The following AP3B1 variants were observed in gnomAD, a reference collection of about 807,000 sequenced individuals.
The protein encoded by AP3B1 is adaptor related protein complex 3 subunit beta 1.
In AP3B1, 61 loss-of-function variants were observed where a neutral mutation model predicts 132.5. That is an observed-to-expected ratio of 0.46 (90% CI 0.37 to 0.57). The LOEUF (loss-of-function observed/expected upper bound fraction) is 0.57. Ranked by LOEUF, AP3B1 falls within the 20% of genes least tolerant of loss-of-function variation. The pLI, the probability that AP3B1 is intolerant of heterozygous loss-of-function variation, is 0.00. For missense variants in AP3B1, 1,120 were observed against 1,289.4 expected, an observed-to-expected ratio of 0.87 and a Z score of 2.01; for synonymous variants, 388 against 438.3, an observed-to-expected ratio of 0.89 and a Z score of 1.43.
chr5:78,104,634 C>A (rs933870639), intron 20 of AP3B1, among the ~76,000 whole-genome samples: 7 of 152,038 alleles, frequency 4.6e-5, no homozygotes, highest in African/African-American at 1.4e-4. Context: ...TAAAACCAAT[C>A]AAAAAATTGT....
intron 22 of AP3B1, among the ~76,000 whole-genome samples, chr5:78,080,244 A>AGCAATCCGCCT (rs1749935280): frequency 1.3e-5 from 2 of 152,132 alleles, no homozygotes; most frequent in African/African-American, 4.8e-5. Context: ...CCTGGGCTCA[A>AGCAATCCGCCT]GCAATCCGCC....
At chr5:78,227,212 A>G (rs1358905963) in intron 5 of AP3B1, among the ~76,000 whole-genome samples, 160 bp downstream of exon 5, 3 of 152,154 alleles carry the variant, frequency 2.0e-5, no homozygotes, top group Non-Finnish European at 4.4e-5. Flanking sequence ...AAAGATGTGT[A>G]AGGAACATTT....
chr5:78,238,451 T>C (rs10062908), intron 3 of AP3B1, among the ~76,000 whole-genome samples: 54,980 of 151,936 alleles, frequency 0.36, 10,173 homozygotes, highest in Middle Eastern at 0.44. Context: ...CTACCCACCC[T>C]GGGTCCAGAG....
intron 22 of AP3B1, among the ~76,000 whole-genome samples, chr5:78,058,701 G>A (rs764910091): frequency 2.0e-5 from 3 of 152,104 alleles, no homozygotes; most frequent in South Asian, 2.1e-4. Flanking sequence ...CCTCAAATAC[G>A]AATTGCTTCA....
chr5:78,198,913 C>T (rs1745179138), intron 7 of AP3B1, among the ~76,000 whole-genome samples: 1 of 152,194 alleles, frequency 6.6e-6, no homozygotes, highest in South Asian at 2.1e-4. Context: ...AAGAAAAAGT[C>T]TCCTTCCCCA....
At chr5:78,202,318 T>C (rs9293728) in intron 7 of AP3B1, among the ~76,000 whole-genome samples, 40,919 of 152,034 alleles carry the variant, frequency 0.27, 5,749 homozygotes, top group Middle Eastern at 0.33. Context: ...CACAATCCTA[T>C]ATAAATTCTG....
chr5:78,057,756 C>T (rs1231833259), intron 22 of AP3B1, among the ~76,000 whole-genome samples: 1 of 151,858 alleles, frequency 6.6e-6, no homozygotes, highest in Non-Finnish European at 1.5e-5. Context: ...TATTACTACC[C>T]ACAATGCAAT....
intron 7 of AP3B1, among the ~76,000 whole-genome samples, chr5:78,189,828 C>T (rs1419990797): frequency 6.7e-6 from 1 of 149,932 alleles, no homozygotes; most frequent in African/African-American, 2.5e-5. Flanking sequence ...CAAGATCACG[C>T]CACTGCACTC....
rs779663529 is a variant in AP3B1, at chr5:78,003,006, C to T, written c.3181G>A (p.Glu1061Lys). ...HSGSLMLVTV[E>K]LKEGSTAQLI... ...TGGGCTGTAGAGCCTTCCTTCAGTT[C>T]CACTGTGACTAGCATCAATGACCCA... Residue 1061 changes from glutamate (E) to lysine (K), a missense_variant, in exon 27 of 27, where the codon GAA (glutamate) becomes AAA (lysine). Physicochemically the swap from Glu to Lys is moderately conservative, Grantham distance 56. Coordinates refer to ENST00000255194, the MANE Select transcript of AP3B1 (RefSeq NM_003664.5). 6.2e-7 allele frequency: 1 copy of T among 1,614,172 alleles called. No individual in the cohort carries two copies. Among genetic ancestry groups the T allele is most frequent in the East Asian group, 2.2e-5 (1 of 44,880 alleles).
In AP3B1 at chr5:78,089,503, T is replaced by C. The variant is rs370298183; in HGVS notation, c.2471-4A>G. 4 of 1,592,150 alleles carry C rather than the reference T, an allele frequency of 2.5e-6. No homozygotes were observed. Among genetic ancestry groups the C allele is most frequent in the Non-Finnish European group, 3.4e-6 (4 of 1,160,186 alleles). On this transcript the variant is annotated splice_polypyrimidine_tract_variant and splice_region_variant and intron_variant, in intron 21 of 26. Transcript: ENST00000255194. ...ACTGGAGTGGATACTGGGTTAACTG[T>C]AAGAAAAGGCCCAAATTAGTAAATG...
intron 22 of AP3B1, among the ~76,000 whole-genome samples, chr5:78,053,549 G>A (rs775669017): frequency 5.9e-5 from 9 of 151,550 alleles, no homozygotes; most frequent in South Asian, 2.1e-4. Flanking sequence ...GCATGGTGGC[G>A]CATGCCTGTA....
At chr5:78,087,335 G>A (rs772553420) in intron 22 of AP3B1, 12 of 174,364 alleles carry the variant, frequency 6.9e-5, no homozygotes, top group Non-Finnish European at 1.2e-4. Context: ...GACACATAAT[G>A]AGGAAGCTTA....
intron 22 of AP3B1, among the ~76,000 whole-genome samples, chr5:78,084,521 C>CAAAAAAAAAAAAA (rs568637894): frequency 9.1e-5 from 4 of 43,988 alleles, no homozygotes; most frequent in African/African-American, 3.3e-4. Flanking sequence ...CAGACCCTGT[C>CAAAAAAAAAAAAA]AAAAAAAAAA....
intron 2 of AP3B1, among the ~76,000 whole-genome samples, chr5:78,244,762 C>T (rs1241392856): frequency 2.0e-5 from 3 of 151,948 alleles, no homozygotes; most frequent in African/African-American, 2.4e-5. Flanking sequence ...TTTGGGAGGC[C>T]GAGGAGCGTG....
At chr5:78,252,618 G>A (rs1747687386) in intron 2 of AP3B1, among the ~76,000 whole-genome samples, 2 of 152,198 alleles carry the variant, frequency 1.3e-5, no homozygotes, top group Non-Finnish European at 2.9e-5. Context: ...GGTGGCTACA[G>A]GTTGAGGCTC....
chr5:78,176,760 G>A (rs1744164299), intron 9 of AP3B1, among the ~76,000 whole-genome samples: 2 of 152,068 alleles, frequency 1.3e-5, no homozygotes, highest in Admixed American at 1.3e-4. Flanking sequence ...AATCAAAGAA[G>A]GTGGCATGCT....
At chr5:78,079,302 G>A (rs1373126439) in intron 22 of AP3B1, among the ~76,000 whole-genome samples, 2 of 151,994 alleles carry the variant, frequency 1.3e-5, no homozygotes, top group African/African-American at 2.4e-5. Context: ...GGAATCTTAA[G>A]ACATTTTCTT....
At position 78,129,137 on chromosome 5, in the gene AP3B1, A is replaced by G. The variant is rs768721394; in HGVS notation, c.1821T>C (p.Leu607=). The stretch of plus-strand genomic sequence containing the variant: ...TGATAATACCTTTAAAAGGAGACTC[A>G]AGCAGTGGTGCAGGCTTTTGTGCTA... ...IFLAQKPAPL[L]ESPFKDRDHF... Residue 607 remains leucine, a synonymous_variant, in exon 16 of 27, where the codon CTT becomes CTC. Transcript: ENST00000255194. 1.1e-5 allele frequency: 17 copies of G among 1,612,642 alleles called. No individual in the cohort carries two copies. The Admixed American group carries it at 2.8e-4, about 27-fold the overall frequency.
chr5:78,135,244 C>T (rs547203999), intron 15 of AP3B1, among the ~76,000 whole-genome samples: 2 of 152,180 alleles, frequency 1.3e-5, no homozygotes, highest in South Asian at 4.1e-4. Context: ...AAAGTAGAAA[C>T]TTAAATGTCT....
Sources: allele counts gnomAD v4.1 joint callset (sites outside exome capture counted in the v4.1 genomes callset), GRCh38; gene constraint gnomAD v4.1.1; transcripts MANE v1.5; gene names NCBI Gene and HGNC (gene_info 2026-07-23, HGNC 2026-07-21).